Variants in SLC9A9 observed in about 807,000 individuals in gnomAD.
SLC9A9 encodes solute carrier family 9 member A9.
In SLC9A9, 62 loss-of-function variants were observed where a neutral mutation model predicts 77.8. That is an observed-to-expected ratio of 0.80 (90% CI 0.65 to 0.98). The LOEUF (loss-of-function observed/expected upper bound fraction) is 0.98, where lower values mean the gene tolerates loss of function less well. SLC9A9 is among the 50% of genes least tolerant of loss of function. The probability of loss-of-function intolerance (pLI) is 0.00; values close to 1 mark genes in which losing one functional copy is unlikely to be tolerated. For missense variants in SLC9A9, 775 were observed against 774.9 expected, an observed-to-expected ratio of 1.00 and a Z score of 0.00; for synonymous variants, 320 against 283.5, an observed-to-expected ratio of 1.13 and a Z score of -1.29.
intron 12 of SLC9A9, among the ~76,000 whole-genome samples, chr3:143,424,608 T>A (rs1204009802): frequency 6.6e-6 from 1 of 152,142 alleles, no homozygotes; most frequent in African/African-American, 2.4e-5. Context: ...GGGTGATCCA[T>A]CTGCCTCGGC....
intron 14 of SLC9A9, among the ~76,000 whole-genome samples, chr3:143,345,910 G>GT (rs2032257825): frequency 6.6e-6 from 1 of 152,148 alleles, no homozygotes; most frequent in African/African-American, 2.4e-5. Flanking sequence ...GTGAACTGGA[G>GT]TCCCTATCAG....
chr3:143,719,594 A>C (rs562833251), intron 4 of SLC9A9, among the ~76,000 whole-genome samples: 1 of 152,214 alleles, frequency 6.6e-6, no homozygotes, highest in Non-Finnish European at 1.5e-5. Flanking sequence ...GATGTGGCCC[A>C]GGGCAGGTAT....
chr3:143,387,498 A>G (rs2033456599), intron 12 of SLC9A9, among the ~76,000 whole-genome samples: 1 of 152,200 alleles, frequency 6.6e-6, no homozygotes, highest in South Asian at 2.1e-4. Context: ...AAAATTTTAT[A>G]TGATGTTTTG....
rs868023945 is a variant in SLC9A9, at chr3:143,425,405, G to T, written c.1469+41632C>A. Among the ~76,000 whole-genome samples the T allele has an allele frequency of 1.1e-3, 167 of 151,544 alleles. 1 individual carries two copies. The highest frequency in any genetic ancestry group is 3.8e-3 in the African/African-American group (158 of 41,298). On this transcript the variant is annotated intron_variant, in intron 12 of 15. Transcript: ENST00000316549. ...TTAAGCTTTAAAAATATATATGTATGGTTTATTATAAAGAATTAAAGTATA... is the reference window on the plus strand; with the variant it reads ...TTAAGCTTTAAAAATATATATGTATTGTTTATTATAAAGAATTAAAGTATA...
rs541115042 is a variant in SLC9A9 at position 143,461,709 on chromosome 3, T to C, written c.1469+5328A>G. On this transcript the variant is annotated intron_variant, in intron 12 of 15. Coordinates refer to ENST00000316549, the MANE Select transcript of SLC9A9 (RefSeq NM_173653.4). ...ACAGTATATGTGTGTATTGATAGAC[T>C]ACATTAATATAACAATGAAGCAAAC... 3.3e-5 allele frequency among the ~76,000 whole-genome samples: 5 copies of C among 152,320 alleles called. No individual in the cohort carries two copies. The East Asian group carries it at 7.7e-4, about 23-fold the overall frequency.
At chr3:143,638,869 C>A (rs552313496) in intron 6 of SLC9A9, among the ~76,000 whole-genome samples, 6 of 152,340 alleles carry the variant, frequency 3.9e-5, no homozygotes, top group African/African-American at 1.4e-4. Context: ...ATAAGCCTGT[C>A]TTGTAAATTC....
At chr3:143,733,008 A>G (rs1321446742) in intron 4 of SLC9A9, among the ~76,000 whole-genome samples, 2 of 152,106 alleles carry the variant, frequency 1.3e-5, no homozygotes, top group Non-Finnish European at 1.5e-5. Flanking sequence ...GGTAATAAAC[A>G]TATTTTTTCT....
At chr3:143,483,583 T>C (rs1330054346) in intron 11 of SLC9A9, among the ~76,000 whole-genome samples, 1 of 152,202 alleles carries the variant, frequency 6.6e-6, no homozygotes, top group African/African-American at 2.4e-5. Flanking sequence ...ACAAAATATC[T>C]TACTTATGCA....
chr3:143,816,121 G>T (rs1453571484), intron 2 of SLC9A9, among the ~76,000 whole-genome samples: 4 of 152,192 alleles, frequency 2.6e-5, no homozygotes, highest in Admixed American at 2.6e-4. Context: ...ATGCCCTGAA[G>T]TCAGTGCCCT....
In SLC9A9 at chr3:143,268,879, T is replaced by A. The variant is rs761296441; in HGVS notation, c.1706A>T (p.Tyr569Phe). ...ISRLLTSPQAYGEQLKEDDVE... is the reference protein window; with the variant it reads ...ISRLLTSPQAFGEQLKEDDVE... ...AGAGGCCTGAGATTTACTTACCCCA[T>A]AGGCTTGAGGACTGGTAAGCAGCCT... The change falls in exon 15 of 16, where the codon TAT becomes TTT. Residue 569 changes from tyrosine to phenylalanine, a missense_variant. Physicochemically the swap from Tyr to Phe is conservative, Grantham distance 22 (BLOSUM62 3). Coordinates refer to ENST00000316549, the MANE Select transcript of SLC9A9 (RefSeq NM_173653.4). The A allele has an allele frequency of 1.2e-4, 192 of 1,599,686 alleles. No individual in the cohort carries two copies. Among genetic ancestry groups the A allele is most frequent in the Non-Finnish European group, 1.5e-4 (179 of 1,170,696 alleles).
chr3:143,554,267 T>C (rs1424169339), intron 8 of SLC9A9, among the ~76,000 whole-genome samples: 1 of 152,164 alleles, frequency 6.6e-6, no homozygotes, highest in African/African-American at 2.4e-5. Flanking sequence ...CTTGTTTAAT[T>C]TACATCTTCT....
intron 5 of SLC9A9, among the ~76,000 whole-genome samples, chr3:143,654,623 A>T (rs2038857917): frequency 6.6e-6 from 1 of 152,190 alleles, no homozygotes; most frequent in Non-Finnish European, 1.5e-5. Context: ...TTTGGCTAGG[A>T]TCTTGTGGAA....
chr3:143,600,291 G>T (rs1027298904), intron 6 of SLC9A9, among the ~76,000 whole-genome samples: 4 of 152,116 alleles, frequency 2.6e-5, no homozygotes, highest in East Asian at 1.9e-4. Flanking sequence ...TTGGTTTTCC[G>T]TTCCTGTGTT....
rs545848549 is a variant in SLC9A9 at position 143,317,969 on chromosome 3, T to C, written c.1604+45515A>G. Among the ~76,000 whole-genome samples, 28 of 152,258 alleles carry C rather than the reference T, an allele frequency of 1.8e-4. No homozygotes were observed. In the East Asian group the frequency reaches 2.1e-3, roughly 12 times the overall value. On this transcript the variant is annotated intron_variant, in intron 14 of 15. Transcript: ENST00000316549. ...GTCTCGATCTCCTGACCTCATGATC[T>C]GCCCACCTTGGCCTCCCAAAGTGCT... is the stretch of plus-strand genomic sequence containing the variant.
At position 143,724,733 on chromosome 3, in the gene SLC9A9, C is replaced by T. The variant is rs534036836; in HGVS notation, c.534-31426G>A. Among the ~76,000 whole-genome samples, 49 of 152,300 alleles carry T rather than the reference C, an allele frequency of 3.2e-4. 1 individual carries two copies. The South Asian group carries it at 3.3e-3, about 10-fold the overall frequency. On this transcript the variant is annotated intron_variant, in intron 4 of 15. Coordinates refer to ENST00000316549, the MANE Select transcript of SLC9A9 (RefSeq NM_173653.4). Reference sequence around the variant, plus strand: ...GATGAGAAGAGTCTAATGTGTTAAACACGAAAACAATTAACTTTTATGAAA... The same window carrying T: ...GATGAGAAGAGTCTAATGTGTTAAATACGAAAACAATTAACTTTTATGAAA...
At chr3:143,648,961 C>T (rs1033227554) in intron 6 of SLC9A9, among the ~76,000 whole-genome samples, 8 of 152,204 alleles carry the variant, frequency 5.3e-5, no homozygotes, top group Non-Finnish European at 1.2e-4. Context: ...GTTCATTTCA[C>T]TGGATCCTTG....
intron 5 of SLC9A9, among the ~76,000 whole-genome samples, chr3:143,652,832 AT>A (rs1395999955): frequency 7.8e-6 from 1 of 128,802 alleles, no homozygotes; most frequent in Non-Finnish European, 1.6e-5. Context: ...CCAAGGACTC[AT>A]TTTTTTCATT....
At chr3:143,726,436 G>T (rs1445381031) in intron 4 of SLC9A9, among the ~76,000 whole-genome samples, 1 of 151,982 alleles carries the variant, frequency 6.6e-6, no homozygotes, top group Non-Finnish European at 1.5e-5. Context: ...CTTAAAATGG[G>T]TATCTTCTAT....
At chr3:143,426,881 G>C (rs891646175) in intron 12 of SLC9A9, among the ~76,000 whole-genome samples, 1 of 152,160 alleles carries the variant, frequency 6.6e-6, no homozygotes, top group African/African-American at 2.4e-5. Context: ...AGAGGAAATG[G>C]AGCTGCCCAG....
Sources: allele counts gnomAD v4.1 joint callset (sites outside exome capture counted in the v4.1 genomes callset), GRCh38; gene constraint gnomAD v4.1.1; transcripts MANE v1.5; gene names NCBI Gene and HGNC (gene_info 2026-07-23, HGNC 2026-07-21).